SLC12A8: variants seen among roughly 807,000 people sequenced by gnomAD.
The protein encoded by SLC12A8 is solute carrier family 12 member 8.
SLC12A8 carries 69 observed loss-of-function variants against 75.6 expected under a neutral mutation model. The ratio of observed to expected loss-of-function variants is 0.91; its 90% confidence interval spans 0.75 to 1.11. SLC12A8 has a LOEUF of 1.11. SLC12A8 is among the 50% of genes most tolerant of loss of function. The probability of loss-of-function intolerance (pLI) is 0.00; values close to 1 mark genes in which losing one functional copy is unlikely to be tolerated. For synonymous variants in SLC12A8, 365 were observed against 372.8 expected (o/e 0.98, Z 0.24); for missense variants, 877 against 896.7 (o/e 0.98, Z 0.28).
intron 13 of SLC12A8, among the ~76,000 whole-genome samples, chr3:125,087,537 G>A (rs1446646770): frequency 6.6e-6 from 1 of 152,198 alleles, no homozygotes; most frequent in Non-Finnish European, 1.5e-5. Flanking sequence ...GACATCTAGA[G>A]TCTCAAAAAC....
intron 5 of SLC12A8, among the ~76,000 whole-genome samples, chr3:125,139,552 G>T (rs1933576009): frequency 6.6e-6 from 1 of 152,108 alleles, no homozygotes; most frequent in Non-Finnish European, 1.5e-5. Context: ...TTGCTCACTG[G>T]TCCCCATCCT....
At chr3:125,101,642 T>C (rs1310296901) in intron 10 of SLC12A8, among the ~76,000 whole-genome samples, 2 of 152,256 alleles carry the variant, frequency 1.3e-5, no homozygotes, top group African/African-American at 4.8e-5. Context: ...AAAAAATCTC[T>C]CTTGCACAGC....
At chr3:125,139,644 G>T (rs1254741119) in intron 5 of SLC12A8, among the ~76,000 whole-genome samples, 2 of 152,160 alleles carry the variant, frequency 1.3e-5, no homozygotes, top group Non-Finnish European at 2.9e-5. Context: ...CTCTCTGTTG[G>T]GCTTATGCAG....
At chr3:125,141,327 G>C (rs1023115114) in intron 5 of SLC12A8, among the ~76,000 whole-genome samples, 2 of 152,234 alleles carry the variant, frequency 1.3e-5, no homozygotes, top group Non-Finnish European at 2.9e-5. Flanking sequence ...AGTGGGCTGT[G>C]GCTCTTCAGG....
intron 2 of SLC12A8, among the ~76,000 whole-genome samples, chr3:125,204,899 T>C (rs190190248): frequency 5.5e-4 from 83 of 152,284 alleles, no homozygotes; most frequent in African/African-American, 1.9e-3. Flanking sequence ...CTTGCTGGCC[T>C]AGGAAAGACT....
At chr3:125,181,091 A>T (rs1355801736) in intron 4 of SLC12A8, among the ~76,000 whole-genome samples, 1 of 152,222 alleles carries the variant, frequency 6.6e-6, no homozygotes, top group Non-Finnish European at 1.5e-5. Flanking sequence ...TGTCACTACT[A>T]GAAGAACTAA....
At chr3:125,169,565 G>A (rs1934364840) in intron 5 of SLC12A8, among the ~76,000 whole-genome samples, 1 of 152,154 alleles carries the variant, frequency 6.6e-6, no homozygotes, top group Non-Finnish European at 1.5e-5. Flanking sequence ...CCAGGGGAAA[G>A]CATCTGACGA....
intron 10 of SLC12A8, among the ~76,000 whole-genome samples, chr3:125,099,558 T>A (rs1349562968): frequency 1.3e-5 from 2 of 152,046 alleles, no homozygotes; most frequent in Non-Finnish European, 2.9e-5. Flanking sequence ...ATTTAAAGAA[T>A]TAAAGAAAAC....
At chr3:125,151,338 T>C (rs1933918106) in intron 5 of SLC12A8, 1 of 154,176 alleles carries the variant, frequency 6.5e-6, no homozygotes, top group Admixed American at 6.5e-5. Context: ...ATTTTCTGGC[T>C]GTGCAGTGAC....
chr3:125,107,660 AG>A lies in SLC12A8; in HGVS notation c.1525del (p.Leu509SerfsTer64). 1 of 1,614,158 alleles carries A rather than the reference AG, an allele frequency of 6.2e-7. No individual in the cohort carries two copies. The highest frequency in any genetic ancestry group is 8.5e-7 in the Non-Finnish European group (1 of 1,180,026). ...GACAGGGAAAGAAGGAGGGGATTTG[AG>A]GTCCAAGAGGAAGCTATCTTGTAGG... Reference protein sequence around the residue: ...QTLQDSFLLDLKSPPSFPVEI... With the variant: ...QTLQDSFLLDXKSPPSFPVEI... On this transcript the variant is annotated frameshift_variant, in exon 10 of 14. Transcript: ENST00000469902. LOFTEE classifies it high-confidence loss of function.
At chr3:125,171,924 ATT>A (rs1417339033) in intron 5 of SLC12A8, among the ~76,000 whole-genome samples, 3 of 820 alleles carry the variant, frequency 3.7e-3, no homozygotes, top group African/African-American at 6.5e-3. Flanking sequence ...AAAAAAAAAA[ATT>A]AAAAAAAAAA....
intron 4 of SLC12A8, among the ~76,000 whole-genome samples, chr3:125,180,794 T>C (rs1231762934): frequency 6.6e-6 from 1 of 152,210 alleles, no homozygotes; most frequent in Non-Finnish European, 1.5e-5. Context: ...GCTAAATAGA[T>C]GATGGTACCA....
intron 2 of SLC12A8, among the ~76,000 whole-genome samples, chr3:125,209,760 G>A (rs987110911): frequency 2.0e-5 from 3 of 152,238 alleles, no homozygotes; most frequent in African/African-American, 7.2e-5. Context: ...CATCACGGAG[G>A]GCCCTGGCGG....
chr3:125,118,482 A>G (rs1005514240), intron 8 of SLC12A8, among the ~76,000 whole-genome samples: 3 of 152,038 alleles, frequency 2.0e-5, no homozygotes, highest in South Asian at 4.2e-4. Flanking sequence ...AAAAAAAATT[A>G]GCCCAGCATG....
At position 125,177,833 on chromosome 3, in the gene SLC12A8, A is replaced by G. The variant is rs1425986202; in HGVS notation, c.532T>C (p.Trp178Arg). Residue 178 changes from tryptophan to arginine, a missense_variant, in exon 5 of 14, where the codon TGG becomes CGG. Trp to Arg is a moderately radical substitution (Grantham distance 101). Transcript: ENST00000469902. Reference protein sequence around the residue: ...LLGINLAGVKWIIRLQLLLLF... With the variant: ...LLGINLAGVKRIIRLQLLLLF... ...AACAGCAGCTGGAGGCGGATTATCC[A>G]TTTGACACCTGCGAGGTTAATGCCC... 6.2e-7 allele frequency: 1 copy of G among 1,614,190 alleles called. No homozygotes were observed. Among genetic ancestry groups the G allele is most frequent in the South Asian group, 1.1e-5 (1 of 91,084 alleles).
At chr3:125,102,743 A>G (rs1560051815) in intron 10 of SLC12A8, among the ~76,000 whole-genome samples, 2 of 152,176 alleles carry the variant, frequency 1.3e-5, no homozygotes, top group African/African-American at 4.8e-5. Flanking sequence ...CAATGAGAAG[A>G]CAGAAAAGGA....
At chr3:125,161,044 G>T (rs1490280422) in intron 5 of SLC12A8, among the ~76,000 whole-genome samples, 1 of 152,226 alleles carries the variant, frequency 6.6e-6, no homozygotes, top group Admixed American at 6.5e-5. Flanking sequence ...AGGGCAGTGA[G>T]TCTACTGAAA....
intron 13 of SLC12A8, among the ~76,000 whole-genome samples, chr3:125,087,847 A>C (rs1382308246): frequency 6.6e-6 from 1 of 152,066 alleles, no homozygotes; most frequent in Non-Finnish European, 1.5e-5. Context: ...CAGGATCTCC[A>C]CTTTATTTCT....
intron 5 of SLC12A8, among the ~76,000 whole-genome samples, chr3:125,149,596 C>G (rs565918725): frequency 9.2e-5 from 14 of 152,222 alleles, no homozygotes; most frequent in African/African-American, 3.4e-4. Flanking sequence ...ATTTTACAAA[C>G]AAGAACCACC....
Sources: allele counts gnomAD v4.1 joint callset (sites outside exome capture counted in the v4.1 genomes callset), GRCh38; gene constraint gnomAD v4.1.1; transcripts MANE v1.5; gene names NCBI Gene and HGNC (gene_info 2026-07-23, HGNC 2026-07-21).